WDR59: variants seen among roughly 807,000 people sequenced by gnomAD.
The protein encoded by WDR59 is GATOR2 complex protein WDR59.
Under a neutral mutation model 131.2 loss-of-function variants are expected in WDR59, and 100 were observed. The ratio of observed to expected loss-of-function variants is 0.76; its 90% confidence interval spans 0.65 to 0.90. The LOEUF is 0.90. Among genes scored for constraint, WDR59 ranks in the 40% least tolerant of loss-of-function variants. WDR59 has a pLI of 0.00. For synonymous variants in WDR59, 601 were observed against 466.2 expected, an observed-to-expected ratio of 1.29 and a Z score of -3.72; for missense variants, 1,203 against 1,262.2, an observed-to-expected ratio of 0.95 and a Z score of 0.71.
Position 74,942,770 on chromosome 16 carries a change from G to A in WDR59, c.502C>T (p.His168Tyr). 6.2e-7 allele frequency: 1 copy of A among 1,612,652 alleles called. No individual in the cohort carries two copies. The highest frequency in any genetic ancestry group is 8.5e-7 in the Non-Finnish European group (1 of 1,179,684). The change falls in exon 7 of 26, where the codon CAT becomes TAT. Residue 168 changes from histidine to tyrosine, a missense_variant. Physicochemically the swap from His to Tyr is moderately conservative, Grantham distance 83 (BLOSUM62 2). Coordinates refer to ENST00000262144, the MANE Select transcript of WDR59 (RefSeq NM_030581.4). ...TCCCATATCCGCACATCGCCGTCAT[G>A]GCTGGTGGCAAGGCAGTTAGCATTT... ...KKNANCLATS[H>Y]DGDVRIWDKR...
chr16:74,876,933 C>T (rs190664718), intron 25 of WDR59, among the ~76,000 whole-genome samples: 93 of 152,088 alleles, frequency 6.1e-4, no homozygotes, highest in Middle Eastern at 6.8e-3. Flanking sequence ...CCTGACAATC[C>T]ACTAATCGTG....
At chr16:74,886,221 T>C (rs748412973) in intron 24 of WDR59, 49 bp downstream of exon 24, 2 of 1,560,240 alleles carry the variant, frequency 1.3e-6, no homozygotes, top group African/African-American at 1.4e-5. Flanking sequence ...GAAACTGGAG[T>C]CCTGCCTGGA....
At chr16:74,924,357 G>T (rs1181966221) in intron 8 of WDR59, among the ~76,000 whole-genome samples, 1 of 152,348 alleles carries the variant, frequency 6.6e-6, no homozygotes, top group Non-Finnish European at 1.5e-5. Context: ...AAGAGCTGAA[G>T]TGTCCTGACT....
At chr16:74,889,944 C>T (rs1964957996) in intron 20 of WDR59, 129 bp from the exon 21 acceptor site, 2 of 625,132 alleles carry the variant, frequency 3.2e-6, no homozygotes, top group South Asian at 4.5e-5. Context: ...AAGCTGGATC[C>T]TTATTGAAAT....
At chr16:74,907,275 T>G (rs1965862551) in intron 17 of WDR59, among the ~76,000 whole-genome samples, 1 of 152,152 alleles carries the variant, frequency 6.6e-6, no homozygotes, top group Non-Finnish European at 1.5e-5. Flanking sequence ...AGGCTTTGTG[T>G]CCCCACCCAA....
intron 8 of WDR59, among the ~76,000 whole-genome samples, chr16:74,935,756 TG>T: frequency 6.6e-6 from 1 of 152,186 alleles, no homozygotes; most frequent in Non-Finnish European, 1.5e-5. Flanking sequence ...GCTAGCACTG[TG>T]GGAGGCCAAG....
intron 20 of WDR59, among the ~76,000 whole-genome samples, chr16:74,890,884 G>C (rs987280929): frequency 3.3e-5 from 5 of 152,130 alleles, no homozygotes; most frequent in South Asian, 2.1e-4. Context: ...GGGAGGCTGA[G>C]GTGGGCGAAT....
intron 17 of WDR59, among the ~76,000 whole-genome samples, chr16:74,906,813 A>C (rs1418685570): frequency 6.6e-6 from 1 of 152,224 alleles, no homozygotes; most frequent in East Asian, 1.9e-4. Context: ...ACAGAAGTCA[A>C]GAGAGTGGTG....
chr16:74,933,164 G>A (rs2031534575), intron 8 of WDR59, among the ~76,000 whole-genome samples: 1 of 152,094 alleles, frequency 6.6e-6, no homozygotes, highest in South Asian at 2.1e-4. Context: ...AATTTGACAT[G>A]GTGGCATACA....
At chr16:74,931,253 A>T (rs1383299312) in intron 8 of WDR59, among the ~76,000 whole-genome samples, 2 of 152,204 alleles carry the variant, frequency 1.3e-5, no homozygotes, top group African/African-American at 4.8e-5. Context: ...CAAAATATTT[A>T]AAATTATTAA....
intron 1 of WDR59, among the ~76,000 whole-genome samples, chr16:74,983,924 A>G (rs2034523438): frequency 6.6e-6 from 1 of 151,980 alleles, no homozygotes. Flanking sequence ...AGCTGAACTG[A>G]GCGGTGATTC....
At chr16:74,938,696 C>T (rs2031993303) in intron 7 of WDR59, among the ~76,000 whole-genome samples, 1 of 152,060 alleles carries the variant, frequency 6.6e-6, no homozygotes, top group South Asian at 2.1e-4. Context: ...ACCACTAAGC[C>T]TGGCTAATTT....
At chr16:74,923,208 T>A (rs1221419948) in intron 9 of WDR59, among the ~76,000 whole-genome samples, 1 of 152,166 alleles carries the variant, frequency 6.6e-6, no homozygotes, top group Non-Finnish European at 1.5e-5. Flanking sequence ...TAAAGGAAAT[T>A]TCTGCTCAAA....
At chr16:74,895,258 A>T (rs945173424) in intron 18 of WDR59, among the ~76,000 whole-genome samples, 1 of 151,894 alleles carries the variant, frequency 6.6e-6, no homozygotes, top group African/African-American at 2.4e-5. Context: ...AACCCGTTTG[A>T]TCTTTTTATT....
In WDR59 at chr16:74,874,178, GGATTTCA is replaced by G. The variant is rs1485467487; in HGVS notation, c.*24_*30del. ...GTCACCGGCACTTATGGGTCCTCTGGGATTTCAGACAATACCCAACTTCTGTAGGTTC... is the reference window on the plus strand; with the variant it reads ...GTCACCGGCACTTATGGGTCCTCTGGGACAATACCCAACTTCTGTAGGTTC... On this transcript the variant is annotated 3_prime_UTR_variant, in exon 26 of 26. Transcript: ENST00000262144. 6.3e-7 allele frequency: 1 copy of G among 1,581,820 alleles called. No individual in the cohort carries two copies. Among genetic ancestry groups the G allele is most frequent in the Non-Finnish European group, 8.6e-7 (1 of 1,157,568 alleles).
chr16:74,920,319 T>G (rs2030074861), intron 10 of WDR59, among the ~76,000 whole-genome samples: 1 of 152,124 alleles, frequency 6.6e-6, no homozygotes, highest in African/African-American at 2.4e-5. Context: ...TTAGCCCAAA[T>G]GTAGGCCGAT....
chr16:74,902,088 T>C (rs1237698822), intron 18 of WDR59, among the ~76,000 whole-genome samples: 3 of 152,230 alleles, frequency 2.0e-5, no homozygotes, highest in African/African-American at 7.2e-5. Flanking sequence ...CCTGAAATGT[T>C]CTATTTCTTG....
chr16:74,885,018 C>G lies in WDR59; in HGVS notation c.2689+635G>C, dbSNP rs566582934. Among the ~76,000 whole-genome samples, 402 of 152,360 alleles carry G rather than the reference C, an allele frequency of 2.6e-3. 1 individual carries two copies. The highest frequency in any genetic ancestry group is 9.2e-3 in the African/African-American group (384 of 41,578). On this transcript the variant is annotated intron_variant, in intron 25 of 25. Coordinates refer to ENST00000262144, the MANE Select transcript of WDR59 (RefSeq NM_030581.4). The stretch of plus-strand genomic sequence containing the variant: ...AAATTACTTAATTTTCCCCCCTACT[C>G]AGCTGTAAGCTCCATGGGGGGAAGG...
chr16:74,938,167 G>A lies in WDR59; in HGVS notation c.634C>T (p.Gln212Ter). 1 of 1,569,012 alleles carries A rather than the reference G, an allele frequency of 6.4e-7. No homozygotes were observed. The highest frequency in any genetic ancestry group is 8.6e-7 in the Non-Finnish European group (1 of 1,158,548). The change falls in exon 8 of 26, where the codon CAA (glutamine) becomes TAA (stop). Residue 212 changes from glutamine (Q) to a stop codon, truncating the protein, a stop_gained. Transcript: ENST00000262144. LOFTEE classifies it high-confidence loss of function. ...CCACTGACCTTCACAGAATTGTCTT[G>A]ACTGGAGGTAGCAAGAATGTGCTCG... ...DSEHILATSS[Q>*]DNSVKFWDYR...
Sources: gnomAD v4.1 joint callset for allele counts (sites outside exome capture counted in the v4.1 genomes callset) on GRCh38, gnomAD v4.1.1 for gene constraint, MANE v1.5 for transcripts, NCBI Gene and HGNC (gene_info 2026-07-23, HGNC 2026-07-21) for gene names.